Variants in NUP54 observed in about 807,000 individuals in gnomAD.
NUP54 encodes the protein nucleoporin 54, also known as nucleoporin p54.
Under a neutral mutation model 66.4 loss-of-function variants are expected in NUP54, and 27 were observed. The ratio of observed to expected loss-of-function variants is 0.41; its 90% CI spans 0.30 to 0.56. NUP54 has a LOEUF of 0.56. NUP54 is among the 20% of genes least tolerant of loss of function. The probability of loss-of-function intolerance (pLI) is 0.34; values close to 1 mark genes in which losing one functional copy is unlikely to be tolerated. For synonymous variants in NUP54, 206 were observed against 210.7 expected, an observed-to-expected ratio of 0.98 and a Z score of 0.19; for missense variants, 486 against 596.3, an observed-to-expected ratio of 0.82 and a Z score of 1.93.
intron 5 of NUP54, among the ~76,000 whole-genome samples, chr4:76,133,532 C>A (rs1162737775): frequency 1.3e-5 from 2 of 152,124 alleles, no homozygotes; most frequent in Admixed American, 6.5e-5. Context: ...TGGCCTCGAT[C>A]TCCTGACCTC....
At chr4:76,145,783 C>T (rs1731474374) in intron 1 of NUP54, 6 of 269,796 alleles carry the variant, frequency 2.2e-5, no homozygotes, top group South Asian at 1.7e-4. Context: ...TGGTATACAA[C>T]ACAGATTCAT....
chr4:76,136,561 A>G (rs1731048338), intron 3 of NUP54, 149 bp from the exon 4 acceptor site: 1 of 612,312 alleles, frequency 1.6e-6, no homozygotes, highest in Non-Finnish European at 2.9e-6. Flanking sequence ...TACATAGCAA[A>G]AGGGCCTTTG....
At chr4:76,136,778 G>C (rs1731058775) in intron 3 of NUP54, among the ~76,000 whole-genome samples, 1 of 152,180 alleles carries the variant, frequency 6.6e-6, no homozygotes. Flanking sequence ...AAATGCAAGA[G>C]AATGGATTCT....
At chr4:76,123,230 A>G (rs1578668995) in intron 9 of NUP54, among the ~76,000 whole-genome samples, 1 of 152,358 alleles carries the variant, frequency 6.6e-6, no homozygotes, top group East Asian at 1.9e-4. Context: ...TAAGCTGTGA[A>G]AAAAGAACAA....
intron 9 of NUP54, among the ~76,000 whole-genome samples, chr4:76,119,810 C>A (rs576452087): frequency 1.1e-4 from 16 of 152,130 alleles, no homozygotes; most frequent in African/African-American, 3.9e-4. Flanking sequence ...CAAATCCTTC[C>A]ATACTCTCAT....
chr4:76,130,846 A>G, intron 7 of NUP54, 97 bp from the exon 8 acceptor site: 5 of 776,946 alleles, frequency 6.4e-6, no homozygotes, highest in Non-Finnish European at 4.5e-6. Context: ...TTTTACATCA[A>G]CTTTCTAGGG....
chr4:76,138,196 T>A (rs1483132511), intron 3 of NUP54, among the ~76,000 whole-genome samples: 1 of 152,190 alleles, frequency 6.6e-6, no homozygotes, highest in Non-Finnish European at 1.5e-5. Context: ...AACACTTGAA[T>A]CCTGGTTTAT....
intron 4 of NUP54, among the ~76,000 whole-genome samples, chr4:76,135,949 T>C (rs1366898606): frequency 6.6e-6 from 1 of 152,202 alleles, no homozygotes; most frequent in African/African-American, 2.4e-5. Flanking sequence ...ATTTTTTTTC[T>C]TCAGTTATAA....
chr4:76,129,243 A>G (rs1198222437), intron 8 of NUP54, among the ~76,000 whole-genome samples: 1 of 152,194 alleles, frequency 6.6e-6, no homozygotes, highest in Non-Finnish European at 1.5e-5. Flanking sequence ...CCATTAGAGA[A>G]GATTTAAAAC....
At chr4:76,121,871 T>C (rs1026365221) in intron 9 of NUP54, among the ~76,000 whole-genome samples, 9 of 152,218 alleles carry the variant, frequency 5.9e-5, no homozygotes, top group South Asian at 4.1e-4. Context: ...TTCTATGGTT[T>C]ATTCCCTTGG....
intron 9 of NUP54, among the ~76,000 whole-genome samples, chr4:76,120,835 GC>G: frequency 6.6e-6 from 1 of 152,218 alleles, no homozygotes; most frequent in Non-Finnish European, 1.5e-5. Context: ...TCTATGAACT[GC>G]CTTTACACAT....
intron 5 of NUP54, among the ~76,000 whole-genome samples, chr4:76,133,462 C>G (rs11730822): frequency 3.2e-4 from 49 of 151,892 alleles, no homozygotes; most frequent in Admixed American, 1.4e-3. Context: ...CCTGCCACCA[C>G]GCCCGGCTGA....
At chr4:76,148,089 C>G (rs773236283) in intron 1 of NUP54, 50 of 419,570 alleles carry the variant, frequency 1.2e-4, no homozygotes, top group Non-Finnish European at 1.9e-4. Flanking sequence ...TGGAAACTCA[C>G]GCGCGGCAAG....
chr4:76,138,224 T>A (rs1209128682), intron 3 of NUP54, among the ~76,000 whole-genome samples: 1 of 152,234 alleles, frequency 6.6e-6, no homozygotes, highest in Non-Finnish European at 1.5e-5. Context: ...TCGCTTTCTA[T>A]CCTTGAGCAA....
chr4:76,140,738 TG>T lies in NUP54; in HGVS notation c.295+3410del, dbSNP rs1304355280. Among the ~76,000 whole-genome samples the T allele has an allele frequency of 1.4e-4, 22 of 152,322 alleles. No individual in the cohort carries two copies. The East Asian group carries it at 4.2e-3, about 29-fold the overall frequency. On this transcript the variant is annotated intron_variant, in intron 3 of 11. Coordinates refer to ENST00000264883, the MANE Select transcript of NUP54 (RefSeq NM_017426.4). ...AGGATTACCAGGCAACATTGAGACC[TG>T]AGGTTGGTGATCAAGAATTTAGAGA... is the stretch of plus-strand genomic sequence containing the variant.
chr4:76,117,895 A>G (rs1290329713), intron 10 of NUP54, 121 bp from the exon 11 acceptor site: 26 of 994,308 alleles, frequency 2.6e-5, no homozygotes, highest in Non-Finnish European at 3.7e-5. Context: ...CTCTCTGTAC[A>G]TTATATTCGA....
At chr4:76,127,819 A>C (rs972279688) in intron 8 of NUP54, among the ~76,000 whole-genome samples, 1 of 152,214 alleles carries the variant, frequency 6.6e-6, no homozygotes, top group Non-Finnish European at 1.5e-5. Context: ...TAGGAAGCCC[A>C]GTGGAAACAC....
intron 9 of NUP54, 186 bp from the exon 10 acceptor site, chr4:76,118,380 G>T: frequency 1.7e-6 from 1 of 580,338 alleles, no homozygotes; most frequent in Non-Finnish European, 3.0e-6. Flanking sequence ...TAAATACAAT[G>T]ATATAGACTT....
Position 76,117,664 on chromosome 4 carries a change from CTGCT to C in NUP54, c.1391_1394del (p.Lys464SerfsTer3). ...TAATGCAGCCTCATGCAACACTTAC[CTGCT>C]TGATTTCTCGTAACAGATCTGCATC... On this transcript the variant is annotated frameshift_variant and splice_region_variant, in exon 11 of 12. Transcript: ENST00000264883. LOFTEE classifies it high-confidence loss of function. 1 of 1,595,348 alleles carries C rather than the reference CTGCT, an allele frequency of 6.3e-7. No homozygotes were observed. The highest frequency in any genetic ancestry group is 8.6e-7 in the Non-Finnish European group (1 of 1,163,238).
Sources: gnomAD v4.1 joint callset for allele counts (sites outside exome capture counted in the v4.1 genomes callset) on GRCh38, gnomAD v4.1.1 for gene constraint, MANE v1.5 for transcripts, NCBI Gene and HGNC (gene_info 2026-07-23, HGNC 2026-07-21) for gene names.